IL15: variants seen among roughly 807,000 people sequenced by gnomAD.
IL15 encodes interleukin 15, also known as interleukin-15.
In IL15, 11 loss-of-function variants were observed where a neutral mutation model predicts 19.6. The ratio of observed to expected loss-of-function variants is 0.56; its 90% CI spans 0.35 to 0.93. The LOEUF (loss-of-function observed/expected upper bound fraction) is 0.93, where lower values mean the gene tolerates loss of function less well. Ranked by LOEUF, IL15 falls within the 40% of genes least tolerant of loss-of-function variation. The probability of loss-of-function intolerance (pLI) is 0.01; values close to 1 mark genes in which losing one functional copy is unlikely to be tolerated. For synonymous variants in IL15, 58 were observed against 59.6 expected (o/e 0.97, Z 0.12); for missense variants, 197 against 186.5 (o/e 1.06, Z -0.33).
intron 2 of IL15, among the ~76,000 whole-genome samples, chr4:141,659,816 G>A (rs1329713216): frequency 6.6e-6 from 1 of 152,164 alleles, no homozygotes; most frequent in African/African-American, 2.4e-5. Flanking sequence ...GTGTTTTGAA[G>A]TCATAAGAAG....
intron 6 of IL15, among the ~76,000 whole-genome samples, chr4:141,728,509 T>G (rs1294067776): frequency 6.6e-6 from 1 of 152,124 alleles, no homozygotes; most frequent in Non-Finnish European, 1.5e-5. Flanking sequence ...AAAATGGTCT[T>G]GAACTTGTTT....
chr4:141,668,431 G>T (rs1728063397), intron 2 of IL15, among the ~76,000 whole-genome samples: 1 of 152,222 alleles, frequency 6.6e-6, no homozygotes, highest in African/African-American at 2.4e-5. Flanking sequence ...TCCTTCCAGA[G>T]AAGAAGCTTA....
chr4:141,667,009 A>C (rs1190797447), intron 2 of IL15, among the ~76,000 whole-genome samples: 1 of 152,160 alleles, frequency 6.6e-6, no homozygotes, highest in Non-Finnish European at 1.5e-5. Context: ...AGAATATGGG[A>C]GCTCCTGAAC....
chr4:141,710,014 A>G (rs1023769137), intron 2 of IL15, among the ~76,000 whole-genome samples: 7 of 152,184 alleles, frequency 4.6e-5, no homozygotes, highest in Admixed American at 4.6e-4. Context: ...ACAGAAAATC[A>G]CTAAAAATCA....
At position 141,671,803 on chromosome 4, in the gene IL15, A is replaced by G. The variant is rs150306247; in HGVS notation, c.-100+15496A>G. 1.8e-3 allele frequency among the ~76,000 whole-genome samples: 276 copies of G among 152,318 alleles called. 1 individual carries two copies. Among genetic ancestry groups the G allele is most frequent in the African/African-American group, 6.2e-3 (256 of 41,578 alleles). On this transcript the variant is annotated intron_variant, in intron 2 of 7. Coordinates refer to ENST00000320650, the MANE Select transcript of IL15 (RefSeq NM_000585.5). ...ATAGGACATAAATCGTAGCTAGGACATAAATCATAGCTAGCCCAGATTTAA... is the reference window on the plus strand; with the variant it reads ...ATAGGACATAAATCGTAGCTAGGACGTAAATCATAGCTAGCCCAGATTTAA...
intron 4 of IL15, chr4:141,720,996 G>A: frequency 5.0e-6 from 3 of 597,940 alleles, no homozygotes; most frequent in Non-Finnish European, 8.7e-6. Context: ...TAAGCCTTTT[G>A]TTGTTTCCTT....
At chr4:141,711,172 T>G (rs1032901306) in intron 2 of IL15, among the ~76,000 whole-genome samples, 5 of 152,178 alleles carry the variant, frequency 3.3e-5, no homozygotes, top group African/African-American at 1.2e-4. Context: ...AAATTGTATC[T>G]CAATAAAGTT....
intron 1 of IL15, 99 bp downstream of exon 1, chr4:141,636,847 T>C (rs1726871750): frequency 6.6e-6 from 1 of 152,326 alleles, no homozygotes; most frequent in Admixed American, 6.5e-5. Context: ...CCCTCCCAGC[T>C]CCAGCGTTAC....
chr4:141,641,532 T>A (rs977918784), intron 1 of IL15, among the ~76,000 whole-genome samples: 4 of 152,054 alleles, frequency 2.6e-5, no homozygotes, highest in African/African-American at 9.7e-5. Flanking sequence ...TGAGTTCATG[T>A]CCTTTGTAGG....
At chr4:141,656,587 C>T (rs1727606696) in intron 2 of IL15, among the ~76,000 whole-genome samples, 2 of 152,140 alleles carry the variant, frequency 1.3e-5, no homozygotes, top group South Asian at 4.1e-4. Context: ...TGAGTCAACT[C>T]TGCCCTATTA....
chr4:141,704,111 T>C (rs1030465985), intron 2 of IL15, among the ~76,000 whole-genome samples: 1 of 152,178 alleles, frequency 6.6e-6, no homozygotes, highest in Admixed American at 6.5e-5. Flanking sequence ...AAGTCATGGA[T>C]AGGCATCCTT....
intron 2 of IL15, among the ~76,000 whole-genome samples, chr4:141,677,921 A>G (rs1728400924): frequency 2.0e-5 from 3 of 152,176 alleles, no homozygotes; most frequent in Non-Finnish European, 2.9e-5. Flanking sequence ...TCTGCTTACC[A>G]TATCATATTG....
rs192142216 is a variant in IL15 at position 141,686,940 on chromosome 4, A to G, written c.-100+30633A>G. On this transcript the variant is annotated intron_variant, in intron 2 of 7. Coordinates refer to ENST00000320650, the MANE Select transcript of IL15 (RefSeq NM_000585.5). Reference sequence around the variant, plus strand: ...ATTTTAAATATTTTCTATAAAGAGAATAGAAAGAAAATTCATTCTTTAGCA... The same window carrying G: ...ATTTTAAATATTTTCTATAAAGAGAGTAGAAAGAAAATTCATTCTTTAGCA... Among the ~76,000 whole-genome samples, 125 of 152,360 alleles carry G rather than the reference A, an allele frequency of 8.2e-4. 1 individual carries two copies. Among genetic ancestry groups the G allele is most frequent in the African/African-American group, 2.8e-3 (117 of 41,586 alleles).
chr4:141,711,643 T>C (rs1010599471), intron 2 of IL15, among the ~76,000 whole-genome samples: 8 of 152,256 alleles, frequency 5.3e-5, no homozygotes, highest in African/African-American at 1.9e-4. Context: ...GTCAAAAATG[T>C]ACTTTAATGA....
chr4:141,679,982 G>A (rs532465438), intron 2 of IL15, among the ~76,000 whole-genome samples: 2 of 152,290 alleles, frequency 1.3e-5, no homozygotes, highest in South Asian at 2.1e-4. Flanking sequence ...TTGGAAAATA[G>A]CAACCAAAAC....
chr4:141,645,786 T>A (rs191110448), intron 1 of IL15, among the ~76,000 whole-genome samples: 10 of 152,228 alleles, frequency 6.6e-5, no homozygotes, highest in African/African-American at 2.4e-4. Context: ...CTGAGATGGC[T>A]CAGACATTAA....
intron 5 of IL15, among the ~76,000 whole-genome samples, chr4:141,722,962 A>C (rs941496567): frequency 6.6e-6 from 1 of 152,168 alleles, no homozygotes; most frequent in East Asian, 1.9e-4. Context: ...CTAGAGAGAC[A>C]GTTGACTTAA....
Position 141,721,883 on chromosome 4 carries a change from A to G in IL15, c.111-41A>G, listed in dbSNP as rs1486574057. The G allele has an allele frequency of 2.7e-6, 4 of 1,499,778 alleles. No individual in the cohort carries two copies. In the East Asian group the frequency reaches 9.2e-5, roughly 34 times the overall value. The allele number at this position is 1,499,778 out of a possible 1,614,324, so 92.9% of individuals were successfully genotyped here. Reference sequence around the variant, plus strand: ...GCTTATAGTATTCATCAAGATGAATAGGCTCCTTCAAAATGCTTTGCTCTA... The same window carrying G: ...GCTTATAGTATTCATCAAGATGAATGGGCTCCTTCAAAATGCTTTGCTCTA... On this transcript the variant is annotated intron_variant, in intron 4 of 7. Coordinates refer to ENST00000320650, the MANE Select transcript of IL15 (RefSeq NM_000585.5).
chr4:141,675,206 A>T (rs1728302876), intron 2 of IL15, among the ~76,000 whole-genome samples: 1 of 152,194 alleles, frequency 6.6e-6, no homozygotes, highest in Admixed American at 6.5e-5. Context: ...AATCAGGAAA[A>T]AGTTAAGTGT....
Sources: gnomAD v4.1 joint callset for allele counts (sites outside exome capture counted in the v4.1 genomes callset) on GRCh38, gnomAD v4.1.1 for gene constraint, MANE v1.5 for transcripts, NCBI Gene and HGNC (gene_info 2026-07-23, HGNC 2026-07-21) for gene names.